SLC35F1: variants seen among roughly 807,000 people sequenced by gnomAD.
SLC35F1 encodes chromosome 6 open reading frame 169.
In SLC35F1, 14 loss-of-function variants were observed where a neutral mutation model predicts 48.7. The ratio of observed to expected loss-of-function variants is 0.29; its 90% CI spans 0.19 to 0.45. SLC35F1 has a LOEUF of 0.45. SLC35F1 is among the 20% of genes least tolerant of loss of function. SLC35F1 has a pLI of 1.00. For synonymous variants in SLC35F1, 190 were observed against 202.2 expected, an observed-to-expected ratio of 0.94 and a Z score of 0.51; for missense variants, 404 against 500.0, an observed-to-expected ratio of 0.81 and a Z score of 1.83.
chr6:118,291,059 C>G (rs1313365236), intron 7 of SLC35F1, among the ~76,000 whole-genome samples: 3 of 152,090 alleles, frequency 2.0e-5, no homozygotes, highest in Non-Finnish European at 4.4e-5. Flanking sequence ...TCCCAAAGTG[C>G]TGGGATTACA....
At chr6:118,227,480 G>A (rs1775233379) in intron 2 of SLC35F1, among the ~76,000 whole-genome samples, 1 of 152,176 alleles carries the variant, frequency 6.6e-6, no homozygotes, top group South Asian at 2.1e-4. Context: ...GTTGGTTTGT[G>A]TTGTATCTAT....
rs892314240 is a variant in SLC35F1, at chr6:117,909,357, A to T, written c.173+1458A>T. Reference sequence around the variant, plus strand: ...TAAATTTTTAATCACAATATATTTTAATTATTATTATTTCTCATCAAACTA... The same window carrying T: ...TAAATTTTTAATCACAATATATTTTTATTATTATTATTTCTCATCAAACTA... On this transcript the variant is annotated intron_variant, in intron 1 of 7. Transcript: ENST00000360388. Among the ~76,000 whole-genome samples the T allele has an allele frequency of 3.2e-4, 48 of 152,054 alleles. 1 individual carries two copies. Among genetic ancestry groups the T allele is most frequent in the African/African-American group, 1.0e-3 (43 of 41,468 alleles).
chr6:118,105,944 T>A (rs1319840252), intron 1 of SLC35F1, among the ~76,000 whole-genome samples: 1 of 152,200 alleles, frequency 6.6e-6, no homozygotes, highest in Admixed American at 6.5e-5. Context: ...ACTTTCCTGC[T>A]TTTTTCTAAT....
At chr6:118,012,149 A>T (rs1324555171) in intron 1 of SLC35F1, among the ~76,000 whole-genome samples, 2 of 152,122 alleles carry the variant, frequency 1.3e-5, no homozygotes, top group African/African-American at 4.8e-5. Context: ...AGAAGGAAAA[A>T]GCAGGAGGTA....
chr6:118,043,668 T>C (rs1582635228), intron 1 of SLC35F1, among the ~76,000 whole-genome samples: 1 of 146,466 alleles, frequency 6.8e-6, no homozygotes, highest in East Asian at 2.1e-4. Context: ...ATGTCTGGGA[T>C]GGGGAGTGTT....
rs143341156 is a variant in SLC35F1, at chr6:118,079,371, A to G, written c.174-75074A>G. ...ATTTCATTCCTTTTTATTATGGAATATTATTATATTGTATGTATTTTATTT... is the reference window on the plus strand; with the variant it reads ...ATTTCATTCCTTTTTATTATGGAATGTTATTATATTGTATGTATTTTATTT... On this transcript the variant is annotated intron_variant, in intron 1 of 7. Transcript: ENST00000360388. Among the ~76,000 whole-genome samples the G allele has an allele frequency of 2.4e-3, 372 of 152,250 alleles. 1 individual carries two copies. Among genetic ancestry groups the G allele is most frequent in the African/African-American group, 8.7e-3 (361 of 41,536 alleles).
At chr6:118,131,895 CT>C (rs550246950) in intron 1 of SLC35F1, among the ~76,000 whole-genome samples, 950 of 151,852 alleles carry the variant, frequency 6.3e-3, no homozygotes, top group Non-Finnish European at 1.0e-2. Flanking sequence ...GATCAGTGAT[CT>C]TTTTTTTCTT....
At chr6:118,107,937 A>G (rs1321818883) in intron 1 of SLC35F1, among the ~76,000 whole-genome samples, 2 of 152,098 alleles carry the variant, frequency 1.3e-5, no homozygotes, top group Non-Finnish European at 2.9e-5. Flanking sequence ...GACCTTTCCT[A>G]TTGGAACTGT....
chr6:118,266,378 T>G (rs910237037), intron 3 of SLC35F1, among the ~76,000 whole-genome samples: 1 of 152,154 alleles, frequency 6.6e-6, no homozygotes, highest in Admixed American at 6.5e-5. Flanking sequence ...AAATTTTTTT[T>G]CTAATAGTTC....
intron 2 of SLC35F1, among the ~76,000 whole-genome samples, chr6:118,170,363 T>C (rs1469259925): frequency 6.6e-6 from 1 of 152,246 alleles, no homozygotes; most frequent in African/African-American, 2.4e-5. Flanking sequence ...TATGTTTATA[T>C]GCTAAATTCT....
At chr6:118,253,171 G>A (rs1775597963) in intron 3 of SLC35F1, among the ~76,000 whole-genome samples, 1 of 152,086 alleles carries the variant, frequency 6.6e-6, no homozygotes, top group Non-Finnish European at 1.5e-5. Flanking sequence ...AGACATTATG[G>A]CAAAATCCTG....
In SLC35F1 at chr6:118,275,444, T is replaced by C; in HGVS notation, c.638-15T>C. 1 of 1,600,894 alleles carries C rather than the reference T, an allele frequency of 6.2e-7. No homozygotes were observed. The highest frequency in any genetic ancestry group is 8.5e-7 in the Non-Finnish European group (1 of 1,174,462). ...AATGATGCTCCCTCTGTTTGTTTGT[T>C]TGGTTGGTTCCTAGGGGAAAATAAG... On this transcript the variant is annotated splice_polypyrimidine_tract_variant and intron_variant, in intron 4 of 7. Transcript: ENST00000360388.
chr6:118,197,680 C>G (rs1774820626), intron 2 of SLC35F1, among the ~76,000 whole-genome samples: 1 of 152,062 alleles, frequency 6.6e-6, no homozygotes, highest in African/African-American at 2.4e-5. Context: ...CTTACAAATG[C>G]CCTTGCAACA....
chr6:118,183,674 C>T (rs1437468283), intron 2 of SLC35F1, among the ~76,000 whole-genome samples: 1 of 152,042 alleles, frequency 6.6e-6, no homozygotes, highest in Non-Finnish European at 1.5e-5. Context: ...CTCTTGTTAC[C>T]TAGGATCTCA....
intron 1 of SLC35F1, among the ~76,000 whole-genome samples, chr6:118,000,905 C>A (rs1208213513): frequency 6.6e-6 from 1 of 152,076 alleles, no homozygotes; most frequent in South Asian, 2.1e-4. Context: ...ACATGAATGA[C>A]CTCTTCAAGG....
chr6:118,154,059 A>G (rs1197783592), intron 1 of SLC35F1, among the ~76,000 whole-genome samples: 4 of 152,116 alleles, frequency 2.6e-5, no homozygotes, highest in Non-Finnish European at 5.9e-5. Flanking sequence ...CTTTCTCACC[A>G]TCACTAAATA....
At chr6:118,274,534 A>G (rs1038036577) in intron 4 of SLC35F1, among the ~76,000 whole-genome samples, 3 of 152,002 alleles carry the variant, frequency 2.0e-5, no homozygotes, top group African/African-American at 7.2e-5. Flanking sequence ...AGTAGCTGGG[A>G]TTACAGGCAC....
chr6:118,302,419 A>G (rs1776264538), intron 7 of SLC35F1, among the ~76,000 whole-genome samples: 1 of 152,204 alleles, frequency 6.6e-6, no homozygotes, highest in African/African-American at 2.4e-5. Context: ...TCCCAGAATC[A>G]TATATCCAGA....
At chr6:118,167,009 A>G (rs981310173) in intron 2 of SLC35F1, among the ~76,000 whole-genome samples, 5 of 152,222 alleles carry the variant, frequency 3.3e-5, no homozygotes, top group African/African-American at 1.2e-4. Flanking sequence ...TCAGTTCCTC[A>G]GTCCCTTATT....
Sources: allele counts gnomAD v4.1 joint callset (sites outside exome capture counted in the v4.1 genomes callset), GRCh38; gene constraint gnomAD v4.1.1; transcripts MANE v1.5; gene names NCBI Gene and HGNC (gene_info 2026-07-23, HGNC 2026-07-21).